The following SPATA22 variants were observed in gnomAD, a reference collection of about 807,000 sequenced individuals.
SPATA22 encodes spermatogenesis-associated protein 22.
A neutral mutation model predicts 47.8 loss-of-function variants in SPATA22; 29 were observed. That is an observed-to-expected ratio of 0.61 (90% CI 0.45 to 0.83). SPATA22 has a LOEUF of 0.83. SPATA22 is among the 40% of genes least tolerant of loss of function. SPATA22 has a pLI of 0.00. For synonymous variants in SPATA22, 133 were observed against 140.9 expected (o/e 0.94, Z 0.40); for missense variants, 410 against 421.7 (o/e 0.97, Z 0.24).
chr17:3,477,882 G>C (rs2081166196), intron 1 of SPATA22, among the ~76,000 whole-genome samples: 1 of 151,996 alleles, frequency 6.6e-6, no homozygotes. Context: ...TAGACTACTA[G>C]CTAAGATATA....
chr17:3,503,366 CA>C (rs912212859), intron 1 of SPATA22: 1 of 151,912 alleles, frequency 6.6e-6, no homozygotes, highest in Admixed American at 6.6e-5. Flanking sequence ...TGTACTTTAC[CA>C]AAATTATTTA....
rs1480060967 is a variant in SPATA22, at chr17:3,455,543, T to G, written c.330-6394A>C. ...AGCCAGTTTTCCCAGCACCATTTAT[T>G]AAATAGGGAATCCTTTCCCCATTGC... On this transcript the variant is annotated intron_variant, in intron 5 of 8. Coordinates refer to ENST00000572969, the MANE Select transcript of SPATA22 (RefSeq NM_001170698.2). Among the ~76,000 whole-genome samples, 3 of 143,066 alleles carry G rather than the reference T, an allele frequency of 2.1e-5. No individual in the cohort carries two copies. The Admixed American group carries it at 2.2e-4, about 11-fold the overall frequency. The allele number at this position is 143,066 out of a possible 152,430, so 93.9% of individuals were successfully genotyped here.
chr17:3,477,113 C>A (rs1464790409), intron 1 of SPATA22, among the ~76,000 whole-genome samples: 1 of 151,814 alleles, frequency 6.6e-6, no homozygotes. Flanking sequence ...CAAGATTGTG[C>A]CACTGCACTC....
At chr17:3,508,006 C>T (rs2074058477) in intron 1 of SPATA22, among the ~76,000 whole-genome samples, 1 of 152,194 alleles carries the variant, frequency 6.6e-6, no homozygotes, top group South Asian at 2.1e-4. Flanking sequence ...CGTACAATCC[C>T]TGTCTTGCTG....
chr17:3,448,397 C>A (rs1052489601), intron 6 of SPATA22, among the ~76,000 whole-genome samples: 4 of 152,198 alleles, frequency 2.6e-5, no homozygotes, highest in African/African-American at 9.7e-5. Flanking sequence ...TGCTGAGTAG[C>A]TGCAACAGAG....
chr17:3,462,381 T>G, intron 5 of SPATA22, 102 bp downstream of exon 5: 5 of 780,446 alleles, frequency 6.4e-6, no homozygotes, highest in Non-Finnish European at 1.0e-5. Context: ...CTAAATGTAA[T>G]TCTGTCTGAG....
Position 3,446,590 on chromosome 17 carries a change from CAAT to C in SPATA22, c.681_683del (p.Leu228del), listed in dbSNP as rs1270816975. 1 of 1,554,568 alleles carries C rather than the reference CAAT, an allele frequency of 6.4e-7. No individual in the cohort carries two copies. Among genetic ancestry groups the C allele is most frequent in the African/African-American group, 1.4e-5 (1 of 71,836 alleles). On this transcript the variant is annotated inframe_deletion, in exon 7 of 9. Coordinates refer to ENST00000572969, the MANE Select transcript of SPATA22 (RefSeq NM_001170698.2). The stretch of plus-strand genomic sequence containing the variant: ...CTTTTTCCTTAAACTGTAACTGATA[CAAT>C]GAGGTTTCCTTTTGAAAAAATAAGA...
chr17:3,453,945 G>A (rs138616545), intron 5 of SPATA22, among the ~76,000 whole-genome samples: 2 of 152,188 alleles, frequency 1.3e-5, no homozygotes, highest in East Asian at 1.9e-4. Context: ...GTCTCTGTTT[G>A]CAGATGACAT....
intron 1 of SPATA22, chr17:3,498,848 A>G (rs2073952518): frequency 6.9e-7 from 1 of 1,442,306 alleles, no homozygotes; most frequent in African/African-American, 1.4e-5. Flanking sequence ...TTTAGAGGAG[A>G]AAAACCAAAT....
chr17:3,443,211 T>C lies in SPATA22; in HGVS notation c.863A>G (p.Asp288Gly), dbSNP rs1254265519. The change falls in exon 8 of 9, where the codon GAT becomes GGT. Residue 288 changes from aspartate (D) to glycine (G), a missense_variant. Physicochemically the swap from Asp to Gly is moderately conservative, Grantham distance 94. Coordinates refer to ENST00000572969, the MANE Select transcript of SPATA22 (RefSeq NM_001170698.2). ...PYYSKTFLMR[D>G]GKNTLPCVFY... ...GACACAAGGCAGAGTATTTTTCCCATCCCTCATAAGAAAAGTCTTCGAATA... is the reference window on the plus strand; with the variant it reads ...GACACAAGGCAGAGTATTTTTCCCACCCCTCATAAGAAAAGTCTTCGAATA... 2 of 1,610,650 alleles carry C rather than the reference T, an allele frequency of 1.2e-6. No individual in the cohort carries two copies. Among genetic ancestry groups the C allele is most frequent in the South Asian group, 1.1e-5 (1 of 90,696 alleles).
At position 3,494,008 on chromosome 17, in the gene SPATA22, C is replaced by T. The variant is rs369142116; in HGVS notation, c.-74+19404G>A. On this transcript the variant is annotated intron_variant, in intron 1 of 8. Transcript: ENST00000541913. ...GTTGCTGTTGTTATTATTGTTTCTTCCTTACATTGTTAACTTCCCTTTTTC... is the reference window on the plus strand; with the variant it reads ...GTTGCTGTTGTTATTATTGTTTCTTTCTTACATTGTTAACTTCCCTTTTTC... Among the ~76,000 whole-genome samples the T allele has an allele frequency of 5.5e-4, 82 of 149,932 alleles. 1 individual carries two copies. In the South Asian group the frequency reaches 0.017, roughly 31 times the overall value.
chr17:3,464,737 C>T (rs1357403675), intron 3 of SPATA22, among the ~76,000 whole-genome samples: 11 of 145,504 alleles, frequency 7.6e-5, no homozygotes, highest in Admixed American at 1.4e-4. Context: ...GGAGACCCTC[C>T]GCCCGGCAAC....
chr17:3,492,349 C>T (rs1193919993), intron 1 of SPATA22, among the ~76,000 whole-genome samples: 1 of 152,228 alleles, frequency 6.6e-6, no homozygotes, highest in African/African-American at 2.4e-5. Flanking sequence ...GTAGCAAAAA[C>T]ATACTCCTTT....
chr17:3,501,506 T>G (rs935035804), intron 1 of SPATA22: 1 of 153,416 alleles, frequency 6.5e-6, no homozygotes, highest in Non-Finnish European at 1.5e-5. Context: ...AGGAGTCGCT[T>G]CTTATAAATG....
intron 8 of SPATA22, 71 bp from the exon 9 acceptor site, chr17:3,440,409 TG>T: frequency 7.6e-7 from 1 of 1,313,684 alleles, no homozygotes; most frequent in Non-Finnish European, 1.0e-6. Context: ...TAAATATTTA[TG>T]TGATCAACTA....
At chr17:3,469,434 A>G in intron 1 of SPATA22, 36 bp from the exon 2 acceptor site, 2 of 803,388 alleles carry the variant, frequency 2.5e-6, no homozygotes, top group Non-Finnish European at 3.9e-6. Flanking sequence ...GTATTGTCTC[A>G]ACTATAAAAC....
Position 3,461,431 on chromosome 17 carries a change from T to C in SPATA22, c.329+1052A>G, listed in dbSNP as rs535991353. On this transcript the variant is annotated intron_variant, in intron 5 of 8. Transcript: ENST00000572969. ...TAATTCAAATTGTAATATCCAATAC[T>C]GGCTGCCTGTCCAGATTACAATCTG... Among the ~76,000 whole-genome samples, 9 of 152,318 alleles carry C rather than the reference T, an allele frequency of 5.9e-5. 1 individual carries two copies. In the South Asian group the frequency reaches 1.0e-3, roughly 18 times the overall value.
chr17:3,507,534 A>G (rs2074051918), intron 1 of SPATA22, among the ~76,000 whole-genome samples: 1 of 152,176 alleles, frequency 6.6e-6, no homozygotes, highest in Non-Finnish European at 1.5e-5. Flanking sequence ...CTTTGCTGTT[A>G]CTGTCAGAGG....
At chr17:3,474,820 A>G (rs1179983351), upstream of SPATA22, among the ~76,000 whole-genome samples, 3 of 152,208 alleles carry the variant, frequency 2.0e-5, no homozygotes, top group African/African-American at 7.2e-5. Flanking sequence ...AGAACTGTGA[A>G]GAAGACCAAA....
Sources: gnomAD v4.1 joint callset for allele counts (sites outside exome capture counted in the v4.1 genomes callset) on GRCh38, gnomAD v4.1.1 for gene constraint, MANE v1.5 for transcripts, NCBI Gene and HGNC (gene_info 2026-07-23, HGNC 2026-07-21) for gene names.